MMACHC: variants seen among roughly 807,000 people sequenced by gnomAD.
MMACHC encodes the protein cyanocobalamin reductase / alkylcobalamin dealkylase.
In MMACHC, 14 loss-of-function variants were observed where a neutral mutation model predicts 17.6. The observed-to-expected ratio is 0.80, with a 90% CI of 0.53 to 1.25. The LOEUF is 1.25. MMACHC is among the 50% of genes most tolerant of loss of function. The pLI is 0.00. For missense variants in MMACHC, 392 were observed against 364.5 expected (o/e 1.08, Z -0.62); for synonymous variants, 151 against 142.1 (o/e 1.06, Z -0.45).
At chr1:45,501,215 A>C (rs1315611056) in intron 1 of MMACHC, among the ~76,000 whole-genome samples, 1 of 152,218 alleles carries the variant, frequency 6.6e-6, no homozygotes, top group Non-Finnish European at 1.5e-5. Flanking sequence ...CTGGGTAATG[A>C]AACTTTGTAC....
chr1:45,507,544 TAGAG>T lies in MMACHC; in HGVS notation c.273_276del (p.Glu92AlafsTer7), dbSNP rs1553162788. The T allele has an allele frequency of 1.9e-6, 3 of 1,614,052 alleles. No individual in the cohort carries two copies. In the South Asian group the frequency reaches 3.3e-5, roughly 18 times the overall value. On this transcript the variant is annotated frameshift_variant and splice_region_variant, in exon 2 of 4. Transcript: ENST00000401061. LOFTEE classifies it high-confidence loss of function. ...GTGTGGCCTACCATCTGGGCCGTGT[TAGAG>T]AGGTGAGGAAGGCTCAGTTTTCCCC...
intron 1 of MMACHC, among the ~76,000 whole-genome samples, chr1:45,503,000 C>T (rs1643567981): frequency 1.3e-5 from 2 of 152,096 alleles, no homozygotes; most frequent in South Asian, 2.1e-4. Flanking sequence ...CCACCATGCC[C>T]GGCCACAAGG....
chr1:45,511,023 T>C lies in MMACHC; in HGVS notation c.*1808T>C, dbSNP rs1448012411. On this transcript the variant is annotated 3_prime_UTR_variant, in exon 4 of 4. Transcript: ENST00000401061. ...CTCTTAAAATCAAAAGCTAATAATA[T>C]GCTTCCTAAAATAAAGACTCATCAA... is the stretch of plus-strand genomic sequence containing the variant. The C allele has an allele frequency of 2.6e-5, 6 of 230,216 alleles. No individual in the cohort carries two copies. Among genetic ancestry groups the C allele is most frequent in the African/African-American group, 9.0e-5 (4 of 44,356 alleles). 14.3% of individuals were successfully genotyped at this position (230,216 alleles called of 1,614,324 possible).
chr1:45,504,415 C>CA (rs942570292), intron 1 of MMACHC, among the ~76,000 whole-genome samples: 3 of 151,520 alleles, frequency 2.0e-5, no homozygotes, highest in Admixed American at 6.6e-5. Context: ...AATTCCATCT[C>CA]AAAAAAAAGA....
chr1:45,504,891 A>T (rs1643599225), intron 1 of MMACHC, among the ~76,000 whole-genome samples: 1 of 152,064 alleles, frequency 6.6e-6, no homozygotes, highest in Admixed American at 6.6e-5. Flanking sequence ...AGGTGGGCAG[A>T]TCAGTTGAGG....
chr1:45,504,340 C>A (rs1643585857), intron 1 of MMACHC, among the ~76,000 whole-genome samples: 1 of 152,046 alleles, frequency 6.6e-6, no homozygotes, highest in Non-Finnish European at 1.5e-5. Context: ...CACTTGAACC[C>A]AGGAGGCAGA....
rs587776889 is a variant in MMACHC at position 45,508,975 on chromosome 1, G to A, written c.609G>A (p.Trp203Ter). The change falls in exon 4 of 4, where the codon TGG (tryptophan) becomes TGA (stop). Residue 203 changes from tryptophan to a stop codon, truncating the protein, a stop_gained. Transcript: ENST00000401061. LOFTEE classifies it low-confidence loss of function (END_TRUNC). Reference protein sequence around the residue: ...LEGFNFHWRDWTYRDAVTPQE... With the variant: ...LEGFNFHWRD ...GCTTCAATTTCCACTGGCGTGATTG[G>A]ACTTACCGGGATGCTGTGACACCCC... is the stretch of plus-strand genomic sequence containing the variant. 15 of 1,614,172 alleles carry A rather than the reference G, an allele frequency of 9.3e-6. No homozygotes were observed. The East Asian group carries it at 2.7e-4, about 29-fold the overall frequency.
chr1:45,507,483 G>A lies in MMACHC; in HGVS notation c.209G>A (p.Cys70Tyr). The change falls in exon 2 of 4, where the codon TGC becomes TAC. Residue 70 changes from cysteine (C) to tyrosine (Y), a missense_variant. By Grantham distance (194) the Cys-to-Tyr change is radical (BLOSUM62 -2). Transcript: ENST00000401061. ...GCCCTCAAGCCCTTCTTGCAGAGCTGCCACCTCCGAATGCTGACTGACCCA... is the reference window on the plus strand; with the variant it reads ...GCCCTCAAGCCCTTCTTGCAGAGCTACCACCTCCGAATGCTGACTGACCCA... ...DRALKPFLQS[C>Y]HLRMLTDPVD... is the part of the protein sequence containing the mutation. The A allele has an allele frequency of 6.2e-7, 1 of 1,614,172 alleles. No individual in the cohort carries two copies. The highest frequency in any genetic ancestry group is 8.5e-7 in the Non-Finnish European group (1 of 1,180,028).
chr1:45,509,113 C>G lies in MMACHC; in HGVS notation c.747C>G (p.Asp249Glu). The G allele has an allele frequency of 6.2e-7, 1 of 1,612,638 alleles. No individual in the cohort carries two copies. Among genetic ancestry groups the G allele is most frequent in the Non-Finnish European group, 8.5e-7 (1 of 1,179,306 alleles). The change falls in exon 4 of 4, where the codon GAC becomes GAG. Residue 249 changes from aspartate to glutamate, a missense_variant. Physicochemically the swap from Asp to Glu is conservative, Grantham distance 45 (BLOSUM62 2). Transcript: ENST00000401061. ...AGAAGCCTAGTTCTCCCTCCCCGGA[C>G]CTTCCCTTTACCACACCCGCCCCCA... ...PSEKPSSPSP[D>E]LPFTTPAPKK...
At chr1:45,501,979 G>C (rs1404209549) in intron 1 of MMACHC, among the ~76,000 whole-genome samples, 1 of 152,042 alleles carries the variant, frequency 6.6e-6, no homozygotes, top group Non-Finnish European at 1.5e-5. Context: ...TAACCTCCTT[G>C]CTGTAATTTT....
chr1:45,510,347 A>G lies in MMACHC; in HGVS notation c.*1132A>G, dbSNP rs771398034. 2.0e-5 allele frequency: 3 copies of G among 152,190 alleles called. No individual in the cohort carries two copies. Among genetic ancestry groups the G allele is most frequent in the Admixed American group, 1.3e-4 (2 of 15,264 alleles). 9.4% of individuals were successfully genotyped at this position (152,190 alleles called of 1,614,324 possible). ...ACCTTGGCCTCAAGGGCCCAGGAGA[A>G]TAACTTTTCCCAGCTGACAGCCTCT... is the stretch of plus-strand genomic sequence containing the variant. On this transcript the variant is annotated 3_prime_UTR_variant, in exon 4 of 4. Coordinates refer to ENST00000401061, the MANE Select transcript of MMACHC (RefSeq NM_015506.3).
Position 45,511,370 on chromosome 1 carries a change from C to A in MMACHC, c.*2155C>A. ...AAATATTCTTTGCTCTTTTGGACAT[C>A]AGGCTTGATGGTATCACTGCCAGGT... On this transcript the variant is annotated 3_prime_UTR_variant, in exon 4 of 4. Coordinates refer to ENST00000401061, the MANE Select transcript of MMACHC (RefSeq NM_015506.3). 3 of 1,613,182 alleles carry A rather than the reference C, an allele frequency of 1.9e-6. No homozygotes were observed. The highest frequency in any genetic ancestry group is 1.7e-6 in the Non-Finnish European group (2 of 1,179,670).
Position 45,509,022 on chromosome 1 carries a change from A to G in MMACHC, c.656A>G (p.Gln219Arg). 1.9e-6 allele frequency: 3 copies of G among 1,614,124 alleles called. No homozygotes were observed. Among genetic ancestry groups the G allele is most frequent in the Non-Finnish European group, 2.5e-6 (3 of 1,180,018 alleles). ...CCCCAGGAGCGCTACTCAGAAGAGC[A>G]GAAGGCCTACTTCTCCACTCCACCT... ...VTPQERYSEE[Q>R]KAYFSTPPAQ... Residue 219 changes from glutamine to arginine, a missense_variant, in exon 4 of 4, where the codon CAG (glutamine) becomes CGG (arginine). Physicochemically the swap from Gln to Arg is conservative, Grantham distance 43. Transcript: ENST00000401061.
At position 45,507,506 on chromosome 1, in the gene MMACHC, C is replaced by G. The variant is rs952771687; in HGVS notation, c.232C>G (p.Pro78Ala). The change falls in exon 2 of 4, where the codon CCA (proline) becomes GCA (alanine). Residue 78 changes from proline (P) to alanine (A), a missense_variant. Pro to Ala is a conservative substitution (Grantham distance 27). Coordinates refer to ENST00000401061, the MANE Select transcript of MMACHC (RefSeq NM_015506.3). ...QSCHLRMLTD[P>A]VDQCVAYHLG... ...CTGCCACCTCCGAATGCTGACTGAC[C>G]CAGTGGACCAGTGTGTGGCCTACCA... 1 of 1,614,066 alleles carries G rather than the reference C, an allele frequency of 6.2e-7. No individual in the cohort carries two copies. The highest frequency in any genetic ancestry group is 8.5e-7 in the Non-Finnish European group (1 of 1,180,048).
chr1:45,500,454 A>G, intron 1 of MMACHC, 41 bp downstream of exon 1: 1 of 1,600,794 alleles, frequency 6.2e-7, no homozygotes, highest in Non-Finnish European at 8.6e-7. Flanking sequence ...GAAATATATG[A>G]TTGGCTTCGT....
chr1:45,509,234 C>A lies in MMACHC; in HGVS notation c.*19C>A. 1.2e-6 allele frequency: 2 copies of A among 1,613,898 alleles called. No individual in the cohort carries two copies. Among genetic ancestry groups the A allele is most frequent in the Non-Finnish European group, 1.7e-6 (2 of 1,179,978 alleles). On this transcript the variant is annotated 3_prime_UTR_variant, in exon 4 of 4. Coordinates refer to ENST00000401061, the MANE Select transcript of MMACHC (RefSeq NM_015506.3). ...CCCTTGATTTTCTCCCATGTGGACC[C>A]TGATTTATGGTGGTACTTGCTAGGA...
Position 45,500,348 on chromosome 1 carries a change from G to A in MMACHC, c.16G>A (p.Ala6Thr). The change falls in exon 1 of 4, where the codon GCA (alanine) becomes ACA (threonine). Residue 6 changes from alanine to threonine, a missense_variant. By Grantham distance (58) the Ala-to-Thr change is moderately conservative. Coordinates refer to ENST00000401061, the MANE Select transcript of MMACHC (RefSeq NM_015506.3). ...AACGTGCGCTATGGAGCCGAAAGTC[G>A]CAGAGCTGAAGCAGAAGATCGAGGA... Reference protein sequence around the residue: MEPKVAELKQKIEDTL... With the variant: MEPKVTELKQKIEDTL... 1 of 1,614,160 alleles carries A rather than the reference G, an allele frequency of 6.2e-7. No homozygotes were observed. The highest frequency in any genetic ancestry group is 1.1e-5 in the South Asian group (1 of 91,084).
rs944633221 is a variant in MMACHC at position 45,511,186 on chromosome 1, C to G, written c.*1971C>G. ...GGAAGAAAGGCTGGTCTCTCCACCC[C>G]CTGTAGGAAAGGCCTGCCTTGTAAG... is the stretch of plus-strand genomic sequence containing the variant. On this transcript the variant is annotated 3_prime_UTR_variant, in exon 4 of 4. Coordinates refer to ENST00000401061, the MANE Select transcript of MMACHC (RefSeq NM_015506.3). 4.3e-6 allele frequency: 3 copies of G among 693,912 alleles called. No homozygotes were observed. The highest frequency in any genetic ancestry group is 7.2e-6 in the Non-Finnish European group (3 of 415,074). The allele number at this position is 693,912 out of a possible 1,614,324, so 43.0% of individuals were successfully genotyped here.
At chr1:45,500,549 C>A (rs1367331057) in intron 1 of MMACHC, 136 bp downstream of exon 1, 2 of 855,810 alleles carry the variant, frequency 2.3e-6, no homozygotes, top group South Asian at 1.4e-5. Flanking sequence ...GACAGAGTTT[C>A]AGTGGGGGCT....
Sources: gnomAD v4.1 joint callset for allele counts (sites outside exome capture counted in the v4.1 genomes callset) on GRCh38, gnomAD v4.1.1 for gene constraint, MANE v1.5 for transcripts, NCBI Gene and HGNC (gene_info 2026-07-23, HGNC 2026-07-21) for gene names.